The following NEB variants were observed in gnomAD, a reference collection of about 807,000 sequenced individuals.
The protein encoded by NEB is nebulin.
In NEB, 512 loss-of-function variants were observed where a neutral mutation model predicts 952.2. That is an observed-to-expected ratio of 0.54 (90% CI 0.50 to 0.58). The LOEUF (loss-of-function observed/expected upper bound fraction) is 0.58, where lower values mean the gene tolerates loss of function less well. Ranked by LOEUF, NEB falls within the 20% of genes least tolerant of loss-of-function variation. The pLI is 0.00. For missense variants in NEB, 8,428 were observed against 9,231.1 expected (o/e 0.91, Z 3.56); for synonymous variants, 2,900 against 3,149.8 (o/e 0.92, Z 2.66).
At chr2:151,618,948 A>G (rs906307447) in intron 73 of NEB, among the ~76,000 whole-genome samples, 1 of 152,198 alleles carries the variant, frequency 6.6e-6, no homozygotes, top group Admixed American at 6.6e-5. Flanking sequence ...TTAATTATTC[A>G]TTTTATTTTA....
rs1277810564 is a variant in NEB at position 151,570,101 on chromosome 2, C to T, written c.17410G>A (p.Ala5804Thr). 2 of 1,610,262 alleles carry T rather than the reference C, an allele frequency of 1.2e-6. No homozygotes were observed. Among genetic ancestry groups the T allele is most frequent in the African/African-American group, 2.7e-5 (2 of 74,878 alleles). Residue 5804 changes from alanine to threonine, a missense_variant, in exon 109 of 182, where the codon GCC (alanine) becomes ACC (threonine). Physicochemically the swap from Ala to Thr is moderately conservative, Grantham distance 58. Coordinates refer to ENST00000397345, the MANE Select transcript of NEB (RefSeq NM_001164508.2). ...CTCACATCGCTCTGCAGTTCGTAGG[C>T]CTTCTTGGCCTGAATCACATCGTTC... ...DQNDVIQAKK[A>T]YELQSDNVYK...
Position 151,640,583 on chromosome 2 carries a change from C to G in NEB, c.8457G>C (p.Trp2819Cys). 3 of 1,613,936 alleles carry G rather than the reference C, an allele frequency of 1.9e-6. No individual in the cohort carries two copies. Among genetic ancestry groups the G allele is most frequent in the Non-Finnish European group, 2.5e-6 (3 of 1,179,866 alleles). Reference sequence around the variant, plus strand: ...TCTGGATCTTGGCCACGTGCATGGACCACATCATCTTGGGGTCATCACGTA... The same window carrying G: ...TCTGGATCTTGGCCACGTGCATGGAGCACATCATCTTGGGGTCATCACGTA... ...RAIRDDPKMM[W>C]SMHVAKIQSD... Residue 2819 changes from tryptophan to cysteine, a missense_variant, in exon 61 of 182, where the codon TGG becomes TGC. Physicochemically the swap from Trp to Cys is radical, Grantham distance 215 (BLOSUM62 -2). This residue lies in a region of NEB where 1,772 missense variants were observed against 1,960.3 expected (regional missense o/e 0.90). Transcript: ENST00000397345.
intron 70 of NEB, among the ~76,000 whole-genome samples, chr2:151,625,911 C>T (rs921847249): frequency 2.0e-5 from 3 of 152,072 alleles, no homozygotes; most frequent in African/African-American, 7.2e-5. Context: ...GTAACCAGGT[C>T]ACTCTCACCC....
intron 5 of NEB, among the ~76,000 whole-genome samples, chr2:151,726,706 G>A (rs1433803641): frequency 6.6e-6 from 1 of 152,100 alleles, no homozygotes; most frequent in Non-Finnish European, 1.5e-5. Flanking sequence ...GTACACATTA[G>A]AATCATCTGG....
In NEB at chr2:151,728,116, G is replaced by A. The variant is rs939772103; in HGVS notation, c.79-210C>T. 7.2e-5 allele frequency among the ~76,000 whole-genome samples: 11 copies of A among 152,266 alleles called. No individual in the cohort carries two copies. In the Middle Eastern group the frequency reaches 0.01, roughly 141 times the overall value. ...TCTGAATGCTGATTGTTGGGATTGCGTGGAATAAAAAGTTTACTCCTTATT... is the reference window on the plus strand; with the variant it reads ...TCTGAATGCTGATTGTTGGGATTGCATGGAATAAAAAGTTTACTCCTTATT... On this transcript the variant is annotated intron_variant, in intron 4 of 181. Coordinates refer to ENST00000397345, the MANE Select transcript of NEB (RefSeq NM_001164508.2).
rs1298427136 is a variant in NEB, at chr2:151,646,153, C to T, written c.7513G>A (p.Ala2505Thr). ...ACATCACTTGTGTTGATTAAGTTTG[C>T]TTTAGCCAGAACAATGTCAGGTGTA... is the stretch of plus-strand genomic sequence containing the variant. ...PDTPDIVLAK[A>T]NLINTSDKLY... Residue 2505 changes from alanine (A) to threonine (T), a missense_variant, in exon 55 of 182, where the codon GCA (alanine) becomes ACA (threonine). Physicochemically the swap from Ala to Thr is moderately conservative, Grantham distance 58. This residue lies in a region of NEB where 1,772 missense variants were observed against 1,960.3 expected (regional missense o/e 0.90). Coordinates refer to ENST00000397345, the MANE Select transcript of NEB (RefSeq NM_001164508.2). 3 of 1,597,824 alleles carry T rather than the reference C, an allele frequency of 1.9e-6. No homozygotes were observed. Among genetic ancestry groups the T allele is most frequent in the Non-Finnish European group, 2.6e-6 (3 of 1,171,476 alleles).
chr2:151,709,295 T>C (rs1467102189), intron 12 of NEB, among the ~76,000 whole-genome samples: 2 of 152,186 alleles, frequency 1.3e-5, no homozygotes, highest in Admixed American at 6.5e-5. Flanking sequence ...TCTTTCTCCT[T>C]CTAAACAGCA....
chr2:151,493,966 T>G (rs771647581), intron 174 of NEB, 99 bp from the exon 175 acceptor site: 7 of 939,440 alleles, frequency 7.5e-6, no homozygotes, highest in Non-Finnish European at 1.1e-5. Context: ...AATCTATTAC[T>G]ATTAGTGAGA....
intron 135 of NEB, among the ~76,000 whole-genome samples, chr2:151,544,122 A>T (rs2094432861): frequency 6.6e-6 from 1 of 152,124 alleles, no homozygotes; most frequent in South Asian, 2.1e-4. Flanking sequence ...GGTCATTCTT[A>T]TGGAGAGGCA....
intron 40 of NEB, 67 bp from the exon 41 acceptor site, chr2:151,666,468 C>A: frequency 6.8e-7 from 1 of 1,466,820 alleles, no homozygotes; most frequent in Non-Finnish European, 9.2e-7. Context: ...TGAATTTATA[C>A]AACAAATTAA....
chr2:151,627,348 C>T (rs1179324821), intron 69 of NEB, 143 bp from the exon 70 acceptor site: 1 of 1,363,956 alleles, frequency 7.3e-7, no homozygotes, highest in African/African-American at 1.5e-5. Flanking sequence ...TGAATACAGT[C>T]TCAGGTATTA....
At chr2:151,670,485 G>T (rs963825368) in intron 38 of NEB, among the ~76,000 whole-genome samples, 1 of 149,462 alleles carries the variant, frequency 6.7e-6, no homozygotes, top group Non-Finnish European at 1.5e-5. Flanking sequence ...ACATACAGAC[G>T]TGGTATGAGT....
At chr2:151,564,975 C>T in intron 117 of NEB, 69 bp downstream of exon 117, 1 of 935,116 alleles carries the variant, frequency 1.1e-6, no homozygotes, top group East Asian at 2.7e-5. Context: ...ACAAAATCAG[C>T]CAAGAATATG....
intron 32 of NEB, among the ~76,000 whole-genome samples, chr2:151,678,944 A>C (rs894259408): frequency 1.3e-5 from 2 of 152,192 alleles, no homozygotes; most frequent in Non-Finnish European, 2.9e-5. Context: ...CTAATTTCAA[A>C]CAATCAGTAA....
In NEB at chr2:151,496,280, C is replaced by G; in HGVS notation, c.24482G>C (p.Ser8161Thr). The G allele has an allele frequency of 6.2e-7, 1 of 1,606,306 alleles. No individual in the cohort carries two copies. The highest frequency in any genetic ancestry group is 8.5e-7 in the Non-Finnish European group (1 of 1,174,664). ...TTTTCTTTTCTCGCCAAGTACCGAG[C>G]TAATATTTTCTTGATTGTGTTTGAC... ...ERVKHNQENI[S>T]SVLYKENVGK... The change falls in exon 173 of 182, where the codon AGC becomes ACC. Residue 8161 changes from serine to threonine, a missense_variant. Physicochemically the swap from Ser to Thr is moderately conservative, Grantham distance 58. Coordinates refer to ENST00000397345, the MANE Select transcript of NEB (RefSeq NM_001164508.2).
chr2:151,618,288 A>G lies in NEB; in HGVS notation c.11063T>C (p.Leu3688Ser). 6.2e-7 allele frequency: 1 copy of G among 1,613,918 alleles called. No individual in the cohort carries two copies. Among genetic ancestry groups the G allele is most frequent in the Non-Finnish European group, 8.5e-7 (1 of 1,179,808 alleles). The change falls in exon 74 of 182, where the codon TTA becomes TCA. Residue 3688 changes from leucine (L) to serine (S), a missense_variant. Physicochemically the swap from Leu to Ser is moderately radical, Grantham distance 145 (BLOSUM62 -2). Transcript: ENST00000397345. ...TTGAAGACTCACCTTATTCATGTTTAAAGCATTGTTTTTTGCCAGCACCTG... is the reference window on the plus strand; with the variant it reads ...TTGAAGACTCACCTTATTCATGTTTGAAGCATTGTTTTTTGCCAGCACCTG... ...PEQVLAKNNA[L>S]NMNKRLYTEA...
chr2:151,680,633 A>G, intron 30 of NEB, 97 bp downstream of exon 30: 1 of 899,892 alleles, frequency 1.1e-6, no homozygotes, highest in Non-Finnish European at 1.7e-6. Flanking sequence ...GGGTCTCTTC[A>G]TATTGTATAA....
At chr2:151,713,950 T>G (rs1247375798) in intron 10 of NEB, among the ~76,000 whole-genome samples, 1 of 152,122 alleles carries the variant, frequency 6.6e-6, no homozygotes, top group Non-Finnish European at 1.5e-5. Flanking sequence ...GAAAAGGGTG[T>G]GAGGATGAAC....
intron 13 of NEB, among the ~76,000 whole-genome samples, chr2:151,703,844 CCTT>C: frequency 2.1e-5 from 2 of 94,432 alleles, no homozygotes; most frequent in South Asian, 8.7e-4. Context: ...TCGTCTGAAG[CCTT>C]CTTCTCTCAG....
Sources: allele counts gnomAD v4.1 joint callset (sites outside exome capture counted in the v4.1 genomes callset), GRCh38; gene constraint gnomAD v4.1.1; regional missense constraint gnomAD v4.1.1; transcripts MANE v1.5; gene names NCBI Gene and HGNC (gene_info 2026-07-23, HGNC 2026-07-21).